Variants in TBC1D5 observed in about 807,000 individuals in gnomAD.
TBC1D5 encodes TBC1 domain family, member 5.
A neutral mutation model predicts 100.3 loss-of-function variants in TBC1D5; 75 were observed. The observed-to-expected ratio is 0.75, with a 90% CI of 0.62 to 0.91. The LOEUF is 0.91. Ranked by LOEUF, TBC1D5 falls within the 40% of genes least tolerant of loss-of-function variation. The probability of loss-of-function intolerance (pLI) is 0.00; values close to 1 mark genes in which losing one functional copy is unlikely to be tolerated. For synonymous variants in TBC1D5, 323 were observed against 325.6 expected (o/e 0.99, Z 0.09); for missense variants, 910 against 942.4 (o/e 0.97, Z 0.45).
intron 13 of TBC1D5, among the ~76,000 whole-genome samples, chr3:17,312,290 TAGTCTTCTA>T (rs2084122821): frequency 6.6e-6 from 1 of 152,138 alleles, no homozygotes; most frequent in Non-Finnish European, 1.5e-5. Context: ...TTACACTTAC[TAGTCTTCTA>T]AGGGCTCTGC....
At chr3:17,457,012 A>G (rs1189026528) in intron 3 of TBC1D5, among the ~76,000 whole-genome samples, 1 of 152,140 alleles carries the variant, frequency 6.6e-6, no homozygotes, top group Non-Finnish European at 1.5e-5. Flanking sequence ...AGTGACTTTC[A>G]ATAGCAAAAA....
At chr3:17,241,238 C>T (rs979728380) in intron 16 of TBC1D5, among the ~76,000 whole-genome samples, 1 of 152,140 alleles carries the variant, frequency 6.6e-6, no homozygotes, top group Non-Finnish European at 1.5e-5. Flanking sequence ...CAGCAGAATT[C>T]TTCCTGTGAA....
chr3:17,387,197 A>G (rs1275599339), intron 8 of TBC1D5, among the ~76,000 whole-genome samples: 1 of 152,164 alleles, frequency 6.6e-6, no homozygotes, highest in East Asian at 1.9e-4. Flanking sequence ...AAAGTTGGAA[A>G]AAGAACTGAA....
At chr3:17,538,927 ATCCCAGT>A (rs1223965549) in intron 2 of TBC1D5, among the ~76,000 whole-genome samples, 1 of 152,170 alleles carries the variant, frequency 6.6e-6, no homozygotes, top group Non-Finnish European at 1.5e-5. Context: ...CACACTTAGA[ATCCCAGT>A]ACTCTGGAAG....
chr3:17,348,596 GC>G (rs2090191192), intron 13 of TBC1D5, among the ~76,000 whole-genome samples: 2 of 151,940 alleles, frequency 1.3e-5, no homozygotes, highest in Non-Finnish European at 2.9e-5. Context: ...GATTTCTCTT[GC>G]CACTTTCCAC....
At chr3:17,170,018 T>C (rs1310770653) in intron 19 of TBC1D5, among the ~76,000 whole-genome samples, 1 of 152,158 alleles carries the variant, frequency 6.6e-6, no homozygotes, top group East Asian at 1.9e-4. Context: ...GGAGCTCAGG[T>C]GGTAACGCTG....
chr3:17,588,255 A>G (rs966006503), intron 2 of TBC1D5, among the ~76,000 whole-genome samples: 14 of 132,340 alleles, frequency 1.1e-4, no homozygotes, highest in African/African-American at 2.0e-4. Context: ...AAGAAAGGAG[A>G]AAAAAAAAAA....
rs543947364 is a variant in TBC1D5 at position 17,309,597 on chromosome 3, AT to A, written c.996-1464del. Among the ~76,000 whole-genome samples the A allele has an allele frequency of 6.4e-3, 964 of 151,428 alleles. 4 individuals carry two copies. The highest frequency in any genetic ancestry group is 0.021 in the African/African-American group (881 of 41,372). ...AATAAAATGAGGGGTGATTAACACA[AT>A]TTTTTTTTGTCTAATATGGCTGTGT... On this transcript the variant is annotated intron_variant, in intron 13 of 21. Coordinates refer to ENST00000253692, the Ensembl canonical transcript of TBC1D5.
At chr3:17,647,716 C>T (rs980546986) in intron 1 of TBC1D5, among the ~76,000 whole-genome samples, 7 of 152,036 alleles carry the variant, frequency 4.6e-5, no homozygotes, top group Admixed American at 6.6e-5. Context: ...TTAAGCCCAT[C>T]GTAAACTTTT....
At chr3:17,433,234 G>A (rs112869783) in intron 3 of TBC1D5, among the ~76,000 whole-genome samples, 33 of 152,252 alleles carry the variant, frequency 2.2e-4, no homozygotes, top group Admixed American at 4.6e-4. Context: ...AAGAAGCAGC[G>A]GACATGAATA....
chr3:17,345,072 A>G (rs1338682474), intron 13 of TBC1D5, among the ~76,000 whole-genome samples: 1 of 152,198 alleles, frequency 6.6e-6, no homozygotes, highest in Non-Finnish European at 1.5e-5. Context: ...GACAAATGGG[A>G]TCTATTTAAA....
At chr3:17,343,987 A>G (rs2089446648) in intron 13 of TBC1D5, among the ~76,000 whole-genome samples, 1 of 151,736 alleles carries the variant, frequency 6.6e-6, no homozygotes, top group Non-Finnish European at 1.5e-5. Context: ...CTCTGATTTT[A>G]GTTATTTCTT....
In TBC1D5 at chr3:17,676,614, C is replaced by T. The variant is rs551140382; in HGVS notation, c.-100-52701G>A. 1.1e-3 allele frequency among the ~76,000 whole-genome samples: 160 copies of T among 152,276 alleles called. 2 individuals carry two copies. The highest frequency in any genetic ancestry group is 3.6e-3 in the African/African-American group (149 of 41,540). On this transcript the variant is annotated intron_variant, in intron 1 of 21. Coordinates refer to ENST00000253692, the Ensembl canonical transcript of TBC1D5. ...TAGATTCAATGCCATCCCCATCAAG[C>T]TACCAATGACTTGCTTCACAGAATT...
intron 8 of TBC1D5, 50 bp from the exon 9 acceptor site, chr3:17,384,065 T>C: frequency 6.7e-7 from 1 of 1,487,784 alleles, no homozygotes; most frequent in Non-Finnish European, 9.2e-7. Context: ...GTTTCAAGAA[T>C]CACTCTCAAA....
chr3:17,455,324 G>GTATATATGTA (rs2095043411), intron 3 of TBC1D5, among the ~76,000 whole-genome samples: 1 of 133,666 alleles, frequency 7.5e-6, no homozygotes, highest in African/African-American at 3.2e-5. Flanking sequence ...ATGTGTATAT[G>GTATATATGTA]TGTATATATG....
intron 18 of TBC1D5, among the ~76,000 whole-genome samples, chr3:17,197,772 C>G (rs764443503): frequency 3.3e-5 from 5 of 152,180 alleles, no homozygotes; most frequent in Non-Finnish European, 5.9e-5. Flanking sequence ...TGCAGTAGCT[C>G]ATGACTGTAA....
intron 19 of TBC1D5, among the ~76,000 whole-genome samples, chr3:17,183,554 A>G (rs1316449273): frequency 1.3e-5 from 2 of 152,128 alleles, no homozygotes; most frequent in Non-Finnish European, 2.9e-5. Flanking sequence ...GAGAGATACT[A>G]CCCTATCAAT....
At chr3:17,186,150 A>AT (rs1433078994) in intron 18 of TBC1D5, among the ~76,000 whole-genome samples, 69 of 151,842 alleles carry the variant, frequency 4.5e-4, no homozygotes, top group African/African-American at 1.6e-3. Context: ...TAGAAAACTG[A>AT]TTTTCCAGTC....
chr3:17,668,395 C>T (rs986058999), intron 1 of TBC1D5, among the ~76,000 whole-genome samples: 1 of 151,848 alleles, frequency 6.6e-6, no homozygotes, highest in African/African-American at 2.4e-5. Context: ...TGTGCTATAG[C>T]TTATATTTGA....
Sources: allele counts gnomAD v4.1 joint callset (sites outside exome capture counted in the v4.1 genomes callset), GRCh38; gene constraint gnomAD v4.1.1; transcripts MANE v1.5; gene names NCBI Gene and HGNC (gene_info 2026-07-23, HGNC 2026-07-21).